The following STX2 variants were observed in gnomAD, a reference collection of about 807,000 sequenced individuals.
STX2 encodes syntaxin-2.
In STX2, 27 loss-of-function variants were observed where a neutral mutation model predicts 40.6. The ratio of observed to expected loss-of-function variants is 0.66; its 90% CI spans 0.49 to 0.92. STX2 has a LOEUF of 0.92. STX2 is among the 40% of genes least tolerant of loss of function. STX2 has a pLI of 0.00. For synonymous variants in STX2, 123 were observed against 119.1 expected (o/e 1.03, Z -0.22); for missense variants, 328 against 366.1 (o/e 0.90, Z 0.85).
At position 130,813,003 on chromosome 12, in the gene STX2, G is replaced by A; in HGVS notation, c.234C>T (p.Asn78=). 1 of 1,537,776 alleles carries A rather than the reference G, an allele frequency of 6.5e-7. No homozygotes were observed. Among genetic ancestry groups the A allele is most frequent in the Non-Finnish European group, 8.7e-7 (1 of 1,150,962 alleles). Residue 78 remains asparagine, a synonymous_variant, in exon 4 of 11, where the codon AAC becomes AAT. Coordinates refer to ENST00000392373, the MANE Select transcript of STX2 (RefSeq NM_194356.4). ...TATTCGCAGTTTTCTTGATTTCTTT[G>A]TTCAGATCTTCAAGCTCTTCTTTTA... ...GKIKEELEDL[N]KEIKKTANKI...
At position 130,821,586 on chromosome 12, in the gene STX2, C is replaced by T. The variant is rs11061154; in HGVS notation, c.205+103G>A. ...CTAGGGTGTCAGCATTTCATACAAACTCCCCTGAATCTCCCGTGAGGCCAG... is the reference window on the plus strand; with the variant it reads ...CTAGGGTGTCAGCATTTCATACAAATTCCCCTGAATCTCCCGTGAGGCCAG... On this transcript the variant is annotated intron_variant, in intron 3 of 10. Coordinates refer to ENST00000392373, the MANE Select transcript of STX2 (RefSeq NM_194356.4). The T allele has an allele frequency of 2.2e-3, 2,029 of 926,990 alleles. 25 individuals are homozygous for T. The East Asian group carries it at 0.028, about 13-fold the overall frequency. The allele number at this position is 926,990 out of a possible 1,614,324, so 57.4% of individuals were successfully genotyped here.
chr12:130,823,527 A>G (rs1409282875), intron 2 of STX2, among the ~76,000 whole-genome samples: 3 of 152,234 alleles, frequency 2.0e-5, no homozygotes, highest in Non-Finnish European at 2.9e-5. Context: ...AAGGGAGCCA[A>G]CGTTGGAAGA....
chr12:130,815,531 T>G (rs1951826526), intron 3 of STX2, among the ~76,000 whole-genome samples: 1 of 152,230 alleles, frequency 6.6e-6, no homozygotes, highest in African/African-American at 2.4e-5. Flanking sequence ...GACTCCAGCT[T>G]ACAAATAAGC....
At chr12:130,832,050 T>C (rs1252112530) in intron 1 of STX2, among the ~76,000 whole-genome samples, 3 of 152,130 alleles carry the variant, frequency 2.0e-5, no homozygotes, top group African/African-American at 7.2e-5. Flanking sequence ...TCTGGCCATG[T>C]GGCCCAGGCT....
intron 6 of STX2, among the ~76,000 whole-genome samples, chr12:130,806,342 C>G (rs1951433289): frequency 6.6e-6 from 1 of 152,184 alleles, no homozygotes. Flanking sequence ...ACTCACAGCA[C>G]AGCAGGCAAC....
In STX2 at chr12:130,839,111, G is replaced by A. The variant is rs531523962; in HGVS notation, c.-12C>T. ...AGCCGGTCCCGCATCCCCGCCGGCC[G>A]GGCAGCGCGCCCCGCCGCTCAAGCC... On this transcript the variant is annotated 5_prime_UTR_variant, in exon 1 of 11. Coordinates refer to ENST00000392373, the MANE Select transcript of STX2 (RefSeq NM_194356.4). 6.7e-5 allele frequency: 85 copies of A among 1,268,068 alleles called. No homozygotes were observed. The African/African-American group carries it at 1.2e-3, about 18-fold the overall frequency. The allele number at this position is 1,268,068 out of a possible 1,614,324, so 78.6% of individuals were successfully genotyped here.
intron 2 of STX2, among the ~76,000 whole-genome samples, chr12:130,822,782 A>ATG (rs1169166209): frequency 6.6e-6 from 1 of 152,240 alleles, no homozygotes; most frequent in Non-Finnish European, 1.5e-5. Context: ...AGAGGCTGCA[A>ATG]TGTGTGTGTG....
At chr12:130,796,488 AAAAAT>A (rs1244472025) in intron 9 of STX2, among the ~76,000 whole-genome samples, 1 of 152,218 alleles carries the variant, frequency 6.6e-6, no homozygotes, top group Non-Finnish European at 1.5e-5. Context: ...TCCATCTCAA[AAAAAT>A]AAAATAAAAT....
intron 3 of STX2, among the ~76,000 whole-genome samples, chr12:130,818,185 A>AAAATATATATATATATAT: frequency 5.4e-4 from 38 of 70,512 alleles, no homozygotes; most frequent in African/African-American, 8.3e-4. Context: ...AAAAAAAAAA[A>AAAATATATATATATATAT]ATATATATAT....
chr12:130,832,938 G>A (rs919850663), intron 1 of STX2, among the ~76,000 whole-genome samples: 7 of 152,140 alleles, frequency 4.6e-5, no homozygotes, highest in Admixed American at 1.3e-4. Context: ...GTGGCCCCCT[G>A]ACCCACCCGG....
At chr12:130,837,369 C>T (rs1013975437) in intron 1 of STX2, among the ~76,000 whole-genome samples, 4 of 152,136 alleles carry the variant, frequency 2.6e-5, no homozygotes, top group Non-Finnish European at 5.9e-5. Flanking sequence ...TCTCGGCTTT[C>T]TGCAACCTCC....
chr12:130,802,203 C>T (rs1228825947), intron 6 of STX2, among the ~76,000 whole-genome samples: 1 of 152,152 alleles, frequency 6.6e-6, no homozygotes, highest in African/African-American at 2.4e-5. Flanking sequence ...TGGTTTTTGT[C>T]GCTTTGTTTT....
chr12:130,829,898 G>A (rs541964570), intron 1 of STX2, among the ~76,000 whole-genome samples: 48 of 152,264 alleles, frequency 3.2e-4, no homozygotes, highest in East Asian at 2.1e-3. Flanking sequence ...CCTGAGCCCC[G>A]GGCCATAAAA....
At chr12:130,828,592 C>A (rs1157082389) in intron 1 of STX2, among the ~76,000 whole-genome samples, 2 of 151,590 alleles carry the variant, frequency 1.3e-5, no homozygotes, top group Admixed American at 1.3e-4. Flanking sequence ...ATGGGCCGGG[C>A]GCGGTGGCTC....
At position 130,807,333 on chromosome 12, in the gene STX2, T is replaced by G. The variant is rs182073724; in HGVS notation, c.355-243A>C. ...CCCTACTTAAAGAAAACCATGACTT[T>G]GAGGTCATTAGCCCAAGGTCACAGG... On this transcript the variant is annotated intron_variant, in intron 5 of 10. Transcript: ENST00000392373. Among the ~76,000 whole-genome samples, 564 of 152,376 alleles carry G rather than the reference T, an allele frequency of 3.7e-3. 1 individual carries two copies. The highest frequency in any genetic ancestry group is 0.013 in the African/African-American group (539 of 41,588).
At position 130,808,666 on chromosome 12, in the gene STX2, G is replaced by A. The variant is rs987833022; in HGVS notation, c.319C>T (p.Arg107Trp). Reference sequence around the variant, plus strand: ...CGTATCCGAAGATCCACTGAAGTCCGGTTCCCACTCTCATCCTGATCAAAA... The same window carrying A: ...CGTATCCGAAGATCCACTGAAGTCCAGTTCCCACTCTCATCCTGATCAAAA... ...QSFDQDESGN[R>W]TSVDLRIRRT... The change falls in exon 5 of 11, where the codon CGG becomes TGG. Residue 107 changes from arginine (R) to tryptophan (W), a missense_variant. Coordinates refer to ENST00000392373, the MANE Select transcript of STX2 (RefSeq NM_194356.4). 25 of 1,613,428 alleles carry A rather than the reference G, an allele frequency of 1.5e-5. No individual in the cohort carries two copies. Among genetic ancestry groups the A allele is most frequent in the African/African-American group, 4.0e-5 (3 of 74,870 alleles).
intron 6 of STX2, among the ~76,000 whole-genome samples, chr12:130,805,984 C>G (rs1054000006): frequency 6.6e-6 from 1 of 152,164 alleles, no homozygotes; most frequent in African/African-American, 2.4e-5. Context: ...GGGAGCAACA[C>G]AGCAGACATG....
rs113125630 is a variant in STX2, at chr12:130,794,466, G to A, written c.*45+1529C>T. Among the ~76,000 whole-genome samples the A allele has an allele frequency of 5.6e-3, 859 of 152,236 alleles. 6 individuals carry two copies. Among genetic ancestry groups the A allele is most frequent in the African/African-American group, 0.019 (803 of 41,546 alleles). The stretch of plus-strand genomic sequence containing the variant: ...CTGGAAAACTTCTCATCTGGTAACT[G>A]CATGGTGAGCGTAACAGATGCTCAC... On this transcript the variant is annotated intron_variant, in intron 10 of 10. Coordinates refer to ENST00000392373, the MANE Select transcript of STX2 (RefSeq NM_194356.4).
intron 3 of STX2, among the ~76,000 whole-genome samples, chr12:130,819,039 G>A (rs1952009467): frequency 6.6e-6 from 1 of 152,222 alleles, no homozygotes; most frequent in Non-Finnish European, 1.5e-5. Context: ...AAAAATGCAG[G>A]TAAAAGGTCC....
Sources: gnomAD v4.1 joint callset for allele counts (sites outside exome capture counted in the v4.1 genomes callset) on GRCh38, gnomAD v4.1.1 for gene constraint, MANE v1.5 for transcripts, NCBI Gene and HGNC (gene_info 2026-07-23, HGNC 2026-07-21) for gene names.